Variants in LTBP2 observed in about 807,000 individuals in gnomAD.
The protein encoded by LTBP2 is latent transforming growth factor beta binding protein 2.
In LTBP2, 103 loss-of-function variants were observed where a neutral mutation model predicts 210.6. That is an observed-to-expected ratio of 0.49 (90% CI 0.42 to 0.58). The LOEUF is 0.58. LTBP2 is among the 20% of genes least tolerant of loss of function. LTBP2 has a pLI of 0.00. For missense variants in LTBP2, 2,313 were observed against 2,494.5 expected (o/e 0.93, Z 1.55); for synonymous variants, 1,007 against 1,015.0 (o/e 0.99, Z 0.15).
intron 1 of LTBP2, among the ~76,000 whole-genome samples, chr14:74,608,715 G>GAAAAAAAAAAAA (rs5809673): frequency 1.7e-5 from 2 of 116,154 alleles, no homozygotes; most frequent in African/African-American, 6.6e-5. Flanking sequence ...TCAAAAAAAA[G>GAAAAAAAAAAAA]AAAAAAAAAA....
chr14:74,595,644 C>T (rs953912164), intron 2 of LTBP2, among the ~76,000 whole-genome samples: 1 of 152,210 alleles, frequency 6.6e-6, no homozygotes, highest in Non-Finnish European at 1.5e-5. Context: ...GAGAACACCA[C>T]CCCAAACACT....
rs2087416153 is a variant in LTBP2 at position 74,535,986 on chromosome 14, C to T, written c.1804G>A (p.Glu602Lys). 1.9e-6 allele frequency: 3 copies of T among 1,614,166 alleles called. No homozygotes were observed. Among genetic ancestry groups the T allele is most frequent in the South Asian group, 1.1e-5 (1 of 91,086 alleles). ...CPPRPASPVI[E>K]NGQLECPQGY... is the part of the protein sequence containing the mutation. ...TGAGGACACTCCAGCTGGCCATTCTCAATCACCGGGGAGGCTGAAGAGTGG... is the reference window on the plus strand; with the variant it reads ...TGAGGACACTCCAGCTGGCCATTCTTAATCACCGGGGAGGCTGAAGAGTGG... Residue 602 changes from glutamate (E) to lysine (K), a missense_variant, in exon 9 of 36, where the codon GAG becomes AAG. By Grantham distance (56) the Glu-to-Lys change is moderately conservative. Around this residue, in one of 3 missense-constraint regions of LTBP2, gnomAD observed 1,867 missense variants for 1,976.9 expected, o/e 0.94. Coordinates refer to ENST00000261978, the MANE Select transcript of LTBP2 (RefSeq NM_000428.3).
intron 8 of LTBP2, among the ~76,000 whole-genome samples, chr14:74,543,167 G>A (rs1415400644): frequency 2.0e-5 from 3 of 151,808 alleles, no homozygotes; most frequent in Non-Finnish European, 4.4e-5. Context: ...TCACGAGGTC[G>A]GGAGATTGAG....
intron 3 of LTBP2, among the ~76,000 whole-genome samples, chr14:74,560,879 T>G (rs900625924): frequency 6.6e-6 from 1 of 152,236 alleles, no homozygotes; most frequent in Non-Finnish European, 1.5e-5. Flanking sequence ...GTGCGTAGCT[T>G]ATATGCAAAC....
chr14:74,561,980 C>T (rs1048481704), intron 3 of LTBP2, among the ~76,000 whole-genome samples: 4 of 152,036 alleles, frequency 2.6e-5, no homozygotes, highest in Non-Finnish European at 5.9e-5. Flanking sequence ...GAGGCCGAGG[C>T]GGATGGATCA....
chr14:74,514,180 AG>A (rs992140828), intron 18 of LTBP2, among the ~76,000 whole-genome samples: 10 of 152,212 alleles, frequency 6.6e-5, no homozygotes, highest in African/African-American at 2.4e-4. Flanking sequence ...GAAATATTCC[AG>A]TTTTTCTGCC....
chr14:74,513,242 C>G (rs1028701616), intron 18 of LTBP2, among the ~76,000 whole-genome samples: 1 of 152,222 alleles, frequency 6.6e-6, no homozygotes, highest in African/African-American at 2.4e-5. Flanking sequence ...GGCATTCCAG[C>G]TCTCCACTTT....
Position 74,506,802 on chromosome 14 carries a change from T to C in LTBP2, c.3929A>G (p.Asp1310Gly). The stretch of plus-strand genomic sequence containing the variant: ...GAAGCCGTGGCTGCCACACATGGTG[T>C]CGTTGGCGCACTCGTCTATGTCTGT... The part of the protein sequence containing the change: ...DCIDIDECAN[D>G]TMCGSHGFCD... Residue 1310 changes from aspartate to glycine, a missense_variant, in exon 27 of 36, where the codon GAC becomes GGC. Physicochemically the swap from Asp to Gly is moderately conservative, Grantham distance 94 (BLOSUM62 -1). This residue lies in a region of LTBP2 where 1,867 missense variants were observed against 1,976.9 expected (regional missense o/e 0.94). Transcript: ENST00000261978. The C allele has an allele frequency of 6.2e-7, 1 of 1,614,008 alleles. No homozygotes were observed.
chr14:74,514,778 G>A (rs574897292), intron 18 of LTBP2, among the ~76,000 whole-genome samples: 4 of 152,312 alleles, frequency 2.6e-5, no homozygotes, highest in Admixed American at 2.0e-4. Flanking sequence ...AGTGGCGAGA[G>A]TGGTTTCTGA....
At position 74,506,184 on chromosome 14, in the gene LTBP2, G is replaced by T; in HGVS notation, c.4041C>A (p.Asn1347Lys). ...ATACCGCCAGCATAAGCTCACACTCGTTCACATCTGCCAGGTGTGAGAACA... is the reference window on the plus strand; with the variant it reads ...ATACCGCCAGCATAAGCTCACACTCTTTCACATCTGCCAGGTGTGAGAACA... Reference protein sequence around the residue: ...SPSGWDCVDVNECELMLAVCG... With the variant: ...SPSGWDCVDVKECELMLAVCG... The change falls in exon 28 of 36, where the codon AAC becomes AAA. Residue 1347 changes from asparagine (N) to lysine (K), a missense_variant. Asn to Lys is a moderately conservative substitution (Grantham distance 94, BLOSUM62 0). Transcript: ENST00000261978. 1 of 1,614,142 alleles carries T rather than the reference G, an allele frequency of 6.2e-7. No homozygotes were observed. Among genetic ancestry groups the T allele is most frequent in the Non-Finnish European group, 8.5e-7 (1 of 1,180,032 alleles).
At chr14:74,562,752 G>A (rs1298123219) in intron 3 of LTBP2, among the ~76,000 whole-genome samples, 1 of 152,110 alleles carries the variant, frequency 6.6e-6, no homozygotes, top group African/African-American at 2.4e-5. Flanking sequence ...AAAACCCAAA[G>A]GTTTAATAAC....
intron 26 of LTBP2, 94 bp downstream of exon 26, chr14:74,507,085 A>T: frequency 6.2e-7 from 1 of 1,606,024 alleles, no homozygotes; most frequent in Non-Finnish European, 8.5e-7. Context: ...AGCTGCAAAA[A>T]ATCGTGTCCT....
At chr14:74,569,501 A>G (rs550433166) in intron 3 of LTBP2, among the ~76,000 whole-genome samples, 1 of 152,256 alleles carries the variant, frequency 6.6e-6, no homozygotes, top group Non-Finnish European at 1.5e-5. Flanking sequence ...GCTCAGATCA[A>G]GGCCTGGGTT....
intron 3 of LTBP2, among the ~76,000 whole-genome samples, chr14:74,582,851 G>A (rs184802617): frequency 6.6e-6 from 1 of 152,344 alleles, no homozygotes; most frequent in East Asian, 1.9e-4. Flanking sequence ...TTCAGTTTGA[G>A]AAGTGCTGGT....
intron 8 of LTBP2, among the ~76,000 whole-genome samples, chr14:74,540,942 A>AT (rs199917849): frequency 0.081 from 2,189 of 27,116 alleles, 37 homozygotes; most frequent in Non-Finnish European, 0.35. Flanking sequence ...ATATATATAT[A>AT]TATTTTTTAT....
chr14:74,505,970 G>A lies in LTBP2; in HGVS notation c.4177+78C>T, dbSNP rs1352775817. On this transcript the variant is annotated intron_variant, in intron 28 of 35. Transcript: ENST00000261978. ...CCAGTGTCCCCCTCAGCGGCTAGAGGCTAGTAGAGGGATGCAGAGGGACAC... is the reference window on the plus strand; with the variant it reads ...CCAGTGTCCCCCTCAGCGGCTAGAGACTAGTAGAGGGATGCAGAGGGACAC... The A allele has an allele frequency of 3.8e-6, 6 of 1,578,298 alleles. 1 individual carries two copies. The highest frequency in any genetic ancestry group is 3.4e-4 in the Middle Eastern group (2 of 5,954).
intron 6 of LTBP2, among the ~76,000 whole-genome samples, chr14:74,551,631 C>T (rs1188901432): frequency 6.6e-6 from 1 of 152,160 alleles, no homozygotes; most frequent in Non-Finnish European, 1.5e-5. Flanking sequence ...CCTGGAACTC[C>T]AGCCCCCTGT....
chr14:74,533,893 T>C (rs1309120828), intron 9 of LTBP2, among the ~76,000 whole-genome samples: 1 of 152,160 alleles, frequency 6.6e-6, no homozygotes, highest in Non-Finnish European at 1.5e-5. Context: ...GCAGCAGAGA[T>C]GATAAGCATT....
intron 3 of LTBP2, among the ~76,000 whole-genome samples, chr14:74,567,110 C>T (rs1256783505): frequency 6.6e-6 from 1 of 152,210 alleles, no homozygotes; most frequent in Non-Finnish European, 1.5e-5. Context: ...CGGAGGGAGG[C>T]ATGAGCTCTG....
Sources: gnomAD v4.1 joint callset for allele counts (sites outside exome capture counted in the v4.1 genomes callset) on GRCh38, gnomAD v4.1.1 for gene constraint, gnomAD v4.1.1 regional missense constraint, MANE v1.5 for transcripts, NCBI Gene and HGNC (gene_info 2026-07-23, HGNC 2026-07-21) for gene names.